The following EFNA3 variants were observed in gnomAD, a reference collection of about 807,000 sequenced individuals.
EFNA3 encodes the protein ephrin-A3.
EFNA3 carries 15 observed loss-of-function variants against 25.0 expected under a neutral mutation model. That is an observed-to-expected ratio of 0.60 (90% confidence interval 0.40 to 0.92). EFNA3 has a LOEUF of 0.92. EFNA3 is among the 40% of genes least tolerant of loss of function. The probability of loss-of-function intolerance (pLI) is 0.00; values close to 1 mark genes in which losing one functional copy is unlikely to be tolerated. For missense variants in EFNA3, 298 were observed against 323.8 expected (o/e 0.92, Z 0.61); for synonymous variants, 153 against 145.6 (o/e 1.05, Z -0.37).
At chr1:155,084,512 T>C (rs926533113) in intron 1 of EFNA3, among the ~76,000 whole-genome samples, 1 of 152,244 alleles carries the variant, frequency 6.6e-6, no homozygotes, top group African/African-American at 2.4e-5. Flanking sequence ...TGCATGTATA[T>C]GCATGAAGCC....
Position 155,085,737 on chromosome 1 carries a change from A to G in EFNA3, c.443-140A>G. ...TAGGGCCGACGGCAGAGCTAAAGTG[A>G]CCCGTGTCCAAAGGGTAGGGGAGCT... On this transcript the variant is annotated intron_variant, in intron 2 of 4. Coordinates refer to ENST00000368408, the MANE Select transcript of EFNA3 (RefSeq NM_004952.5). The surrounding 1 kb of genome is among the most constrained non-coding windows in gnomAD (Gnocchi z 4.4). 1.0e-6 allele frequency: 1 copy of G among 981,484 alleles called. No homozygotes were observed. The allele number at this position is 981,484 out of a possible 1,614,324, so 60.8% of individuals were successfully genotyped here.
chr1:155,086,244 A>G, intron 4 of EFNA3, 39 bp downstream of exon 4: 1 of 1,608,656 alleles, frequency 6.2e-7, no homozygotes, highest in South Asian at 1.1e-5. Context: ...CACTGCTGGA[A>G]CCGCAGCCCC....
rs1003687913 is a variant in EFNA3 at position 155,080,295 on chromosome 1, C to T, written c.128+1226C>T. On this transcript the variant is annotated intron_variant, in intron 1 of 4. Transcript: ENST00000368408. This position sits in a 1 kb window ranked among gnomAD's most constrained non-coding sequence, Gnocchi z 7.0. ...ACCTCTCGGAGGAGGGGCTGCCGCTCGCCGCTCCGCTCTTTGTTGTTTGGG... is the reference window on the plus strand; with the variant it reads ...ACCTCTCGGAGGAGGGGCTGCCGCTTGCCGCTCCGCTCTTTGTTGTTTGGG... 6.6e-6 allele frequency among the ~76,000 whole-genome samples: 1 copy of T among 152,152 alleles called. No individual in the cohort carries two copies. Among genetic ancestry groups the T allele is most frequent in the African/African-American group, 2.4e-5 (1 of 41,444 alleles).
At chr1:155,086,258 C>T in intron 4 of EFNA3, 53 bp downstream of exon 4, 1 of 1,599,450 alleles carries the variant, frequency 6.3e-7, no homozygotes. Context: ...CAGCCCCCCG[C>T]CCCGGTGCCT....
chr1:155,081,763 G>C lies in EFNA3; in HGVS notation c.128+2694G>C, dbSNP rs1663346442. On this transcript the variant is annotated intron_variant, in intron 1 of 4. Coordinates refer to ENST00000368408, the MANE Select transcript of EFNA3 (RefSeq NM_004952.5). The surrounding 1 kb of genome is among the most constrained non-coding windows in gnomAD (Gnocchi z 5.2). The stretch of plus-strand genomic sequence containing the variant: ...TCTCGTTCTCTTCCCTGCCTCTCTC[G>C]GTTTCTGCGTCTCTCTCGCACTGTG... 6.6e-6 allele frequency among the ~76,000 whole-genome samples: 1 copy of C among 151,974 alleles called. No homozygotes were observed.
Position 155,087,057 on chromosome 1 carries a change from A to C in EFNA3, c.*514A>C. ...CTCCTCCCCCACTCCCACTTCCAGG[A>C]TTGTGGTTTGGATTGAAACCAAGTT... On this transcript the variant is annotated 3_prime_UTR_variant, in exon 5 of 5. Transcript: ENST00000368408. 6.4e-6 allele frequency: 1 copy of C among 155,800 alleles called. No individual in the cohort carries two copies. Among genetic ancestry groups the C allele is most frequent in the Non-Finnish European group, 1.4e-5 (1 of 69,938 alleles). 9.7% of individuals were successfully genotyped at this position (155,800 alleles called of 1,614,324 possible).
Position 155,085,576 on chromosome 1 carries a change from G to T in EFNA3, c.442+172G>T, listed in dbSNP as rs1663439007. On this transcript the variant is annotated intron_variant, in intron 2 of 4. Coordinates refer to ENST00000368408, the MANE Select transcript of EFNA3 (RefSeq NM_004952.5). This position sits in a 1 kb window ranked among gnomAD's most constrained non-coding sequence, Gnocchi z 4.4. The stretch of plus-strand genomic sequence containing the variant: ...CGCCTGAGGGGTTCAGCTCAGACGA[G>T]GTCGTGGGGCCAAGAGAGGAGTTTG... The T allele has an allele frequency of 1.4e-5, 12 of 846,872 alleles. No individual in the cohort carries two copies. Among genetic ancestry groups the T allele is most frequent in the Non-Finnish European group, 2.1e-5 (12 of 562,570 alleles). The allele number at this position is 846,872 out of a possible 1,614,324, so 52.5% of individuals were successfully genotyped here. A position where few individuals can be genotyped will look rare whatever the true frequency, so the allele number is the denominator to read the frequency against.
At position 155,079,173 on chromosome 1, in the gene EFNA3, C is replaced by G. The variant is rs1302361185; in HGVS notation, c.128+104C>G. 5.0e-6 allele frequency: 6 copies of G among 1,209,618 alleles called. No homozygotes were observed. The highest frequency in any genetic ancestry group is 6.3e-6 in the Non-Finnish European group (6 of 949,138). 74.9% of individuals were successfully genotyped at this position (1,209,618 alleles called of 1,614,324 possible). A position where few individuals can be genotyped will look rare whatever the true frequency, so the allele number is the denominator to read the frequency against. On this transcript the variant is annotated intron_variant, in intron 1 of 4. Transcript: ENST00000368408. The surrounding 1 kb of genome is among the most constrained non-coding windows in gnomAD (Gnocchi z 7.7). ...ATCCCGGGGTGGGAGTCCTGGGAGA[C>G]CAGAGCTGGGGGCTGGGAGGGGACG...
Position 155,085,203 on chromosome 1 carries a change from G to A in EFNA3, c.241G>A (p.Gly81Ser). 1.9e-6 allele frequency: 3 copies of A among 1,613,182 alleles called. No homozygotes were observed. Among genetic ancestry groups the A allele is most frequent in the Non-Finnish European group, 2.5e-6 (3 of 1,179,920 alleles). Residue 81 changes from glycine to serine, a missense_variant, in exon 2 of 5, where the codon GGC becomes AGC. Physicochemically the swap from Gly to Ser is moderately conservative, Grantham distance 56. Transcript: ENST00000368408. The surrounding 1 kb of genome is among the most constrained non-coding windows in gnomAD (Gnocchi z 4.4). ...CCCCGGGGCGGGACCGGGGCCCGGA[G>A]GCGGGGCAGAGCAGTACGTGCTGTA... ...VGPGAGPGPG[G>S]GAEQYVLYMV...
Position 155,085,426 on chromosome 1 carries a change from GGCGGGTCTGAAC to G in EFNA3, c.442+26_442+37del. The G allele has an allele frequency of 6.5e-7, 1 of 1,541,940 alleles. No individual in the cohort carries two copies. Among genetic ancestry groups the G allele is most frequent in the Non-Finnish European group, 8.8e-7 (1 of 1,137,792 alleles). On this transcript the variant is annotated intron_variant, in intron 2 of 4. Transcript: ENST00000368408. This position sits in a 1 kb window ranked among gnomAD's most constrained non-coding sequence, Gnocchi z 4.4. Reference sequence around the variant, plus strand: ...ATCTGTGAGTGACGGCGGCCGGGCGGGCGGGTCTGAACGCGAGAGTCTGAGTGACAGCCGGGG... The same window carrying G: ...ATCTGTGAGTGACGGCGGCCGGGCGGGCGAGAGTCTGAGTGACAGCCGGGG...
chr1:155,084,942 G>A (rs536778470), intron 1 of EFNA3, 149 bp from the exon 2 acceptor site: 1 of 836,958 alleles, frequency 1.2e-6, no homozygotes, highest in East Asian at 2.6e-5. Flanking sequence ...CTAGGGCCCC[G>A]GGGGCAGAGA....
chr1:155,083,986 T>G (rs1199058707), intron 1 of EFNA3, among the ~76,000 whole-genome samples: 2 of 152,202 alleles, frequency 1.3e-5, no homozygotes, highest in African/African-American at 4.8e-5. Context: ...CGCTCACTAC[T>G]GCCATCGAGG....
At position 155,085,750 on chromosome 1, in the gene EFNA3, G is replaced by A; in HGVS notation, c.443-127G>A. 8.9e-7 allele frequency: 1 copy of A among 1,128,146 alleles called. No homozygotes were observed. Among genetic ancestry groups the A allele is most frequent in the Non-Finnish European group, 1.3e-6 (1 of 775,962 alleles). 69.9% of individuals were successfully genotyped at this position (1,128,146 alleles called of 1,614,324 possible). ...AGAGCTAAAGTGACCCGTGTCCAAAGGGTAGGGGAGCTCCTGAAGGAGACC... is the reference window on the plus strand; with the variant it reads ...AGAGCTAAAGTGACCCGTGTCCAAAAGGTAGGGGAGCTCCTGAAGGAGACC... On this transcript the variant is annotated intron_variant, in intron 2 of 4. Transcript: ENST00000368408. This position sits in a 1 kb window ranked among gnomAD's most constrained non-coding sequence, Gnocchi z 4.4.
rs1350435009 is a variant in EFNA3, at chr1:155,085,130, C to T, written c.168C>T (p.Asn56=). 6.2e-7 allele frequency: 1 copy of T among 1,613,596 alleles called. No homozygotes were observed. The highest frequency in any genetic ancestry group is 1.3e-5 in the African/African-American group (1 of 74,938). The change falls in exon 2 of 5, where the codon AAC becomes AAT. Residue 56 remains asparagine, a synonymous_variant. Coordinates refer to ENST00000368408, the MANE Select transcript of EFNA3 (RefSeq NM_004952.5). This position sits in a 1 kb window ranked among gnomAD's most constrained non-coding sequence, Gnocchi z 4.4. ...REGYTVQVNV[N]DYLDIYCPHY... is the part of the protein sequence containing the mutation. ...GCTACACCGTGCAGGTGAACGTGAA[C>T]GACTATCTGGATATTTACTGCCCGC...
chr1:155,080,206 C>T lies in EFNA3; in HGVS notation c.128+1137C>T, dbSNP rs1663314810. ...GCTGCCCACCCCAGGGACCGACCGA[C>T]CAGGGAGCAAATGGCCAGACCCCAG... On this transcript the variant is annotated intron_variant, in intron 1 of 4. Transcript: ENST00000368408. This position sits in a 1 kb window ranked among gnomAD's most constrained non-coding sequence, Gnocchi z 7.0. 6.6e-6 allele frequency among the ~76,000 whole-genome samples: 1 copy of T among 152,104 alleles called. No individual in the cohort carries two copies. The highest frequency in any genetic ancestry group is 2.1e-4 in the South Asian group (1 of 4,830).
rs1056912594 is a variant in EFNA3 at position 155,080,957 on chromosome 1, A to G, written c.128+1888A>G. Among the ~76,000 whole-genome samples the G allele has an allele frequency of 2.0e-5, 3 of 151,894 alleles. No individual in the cohort carries two copies. The highest frequency in any genetic ancestry group is 7.3e-5 in the African/African-American group (3 of 41,340). On this transcript the variant is annotated intron_variant, in intron 1 of 4. Coordinates refer to ENST00000368408, the MANE Select transcript of EFNA3 (RefSeq NM_004952.5). This position sits in a 1 kb window ranked among gnomAD's most constrained non-coding sequence, Gnocchi z 7.0. ...AAATCGTGAGAGCGACGTGCTCCGG[A>G]GCCGAGAATGGAGAGGGCCGGGGAG...
At position 155,086,546 on chromosome 1, in the gene EFNA3, C is replaced by T; in HGVS notation, c.*3C>T. On this transcript the variant is annotated 3_prime_UTR_variant, in exon 5 of 5. Coordinates refer to ENST00000368408, the MANE Select transcript of EFNA3 (RefSeq NM_004952.5). ...TCATGACGTTCTTGGCCTCCTAGCT[C>T]TGCCCCCTCCCCTGGGGGGGGAGAG... The T allele has an allele frequency of 1.9e-6, 3 of 1,607,784 alleles. No individual in the cohort carries two copies. Among genetic ancestry groups the T allele is most frequent in the Non-Finnish European group, 2.5e-6 (3 of 1,179,598 alleles).
intron 1 of EFNA3, among the ~76,000 whole-genome samples, chr1:155,082,303 A>G (rs1399836870): frequency 6.6e-6 from 1 of 152,210 alleles, no homozygotes; most frequent in Non-Finnish European, 1.5e-5. Context: ...CCCGGCGTCT[A>G]AGACCGGGGC....
chr1:155,084,975 T>A, intron 1 of EFNA3, 116 bp from the exon 2 acceptor site: 1 of 1,218,582 alleles, frequency 8.2e-7, no homozygotes, highest in Non-Finnish European at 1.2e-6. Flanking sequence ...GCGAGGAAGC[T>A]CGGAGGAAAA....
Sources: gnomAD v4.1 joint callset for allele counts (sites outside exome capture counted in the v4.1 genomes callset) on GRCh38, gnomAD v4.1.1 for gene constraint, Gnocchi (gnomAD v3.1) non-coding constraint, MANE v1.5 for transcripts, NCBI Gene and HGNC (gene_info 2026-07-23, HGNC 2026-07-21) for gene names.